The following CEP170 variants were observed in gnomAD, a reference collection of about 807,000 sequenced individuals.
CEP170 encodes the protein centrosomal protein of 170 kDa.
CEP170 carries 21 observed loss-of-function variants against 151.9 expected under a neutral mutation model. The observed-to-expected ratio is 0.14, with a 90% CI of 0.10 to 0.20. The LOEUF (loss-of-function observed/expected upper bound fraction) is 0.20. Ranked by LOEUF, CEP170 falls within the 10% of genes least tolerant of loss-of-function variation. CEP170 has a pLI of 1.00. For synonymous variants in CEP170, 356 were observed against 648.8 expected, an observed-to-expected ratio of 0.55 and a Z score of 6.86; for missense variants, 964 against 1,892.9, an observed-to-expected ratio of 0.51 and a Z score of 9.11.
At chr1:243,162,810 A>G (rs1272052711) in intron 13 of CEP170, among the ~76,000 whole-genome samples, 3 of 152,254 alleles carry the variant, frequency 2.0e-5, no homozygotes, top group Non-Finnish European at 4.4e-5. Flanking sequence ...TCATCAGGAA[A>G]TGCAGCACAG....
chr1:243,148,342 G>A (rs1164760094), intron 14 of CEP170, among the ~76,000 whole-genome samples: 1 of 151,746 alleles, frequency 6.6e-6, no homozygotes, highest in African/African-American at 2.4e-5. Flanking sequence ...AGGCCGAGGT[G>A]GGCGGATCAC....
intron 1 of CEP170, among the ~76,000 whole-genome samples, chr1:243,230,571 C>T (rs576938467): frequency 6.6e-6 from 1 of 152,058 alleles, no homozygotes; most frequent in East Asian, 1.9e-4. Context: ...TGAAACGGAA[C>T]CAAACATATT....
intron 15 of CEP170, among the ~76,000 whole-genome samples, chr1:243,141,320 A>G (rs537141006): frequency 6.6e-6 from 1 of 152,350 alleles, no homozygotes; most frequent in East Asian, 1.9e-4. Context: ...TCAACTACTC[A>G]GTTCTGCCCC....
At chr1:243,175,010 CAT>C (rs747032835) in intron 10 of CEP170, 6 of 152,226 alleles carry the variant, frequency 3.9e-5, no homozygotes, top group South Asian at 2.1e-4. Context: ...AAAATAACCA[CAT>C]GAGTACTTGC....
chr1:243,149,498 C>T (rs2056860422), intron 14 of CEP170, among the ~76,000 whole-genome samples: 1 of 152,056 alleles, frequency 6.6e-6, no homozygotes, highest in Admixed American at 6.6e-5. Context: ...GTTTATTTCC[C>T]TACTCTTGCT....
At chr1:243,189,322 T>C (rs936599648) in intron 8 of CEP170, among the ~76,000 whole-genome samples, 21 of 151,996 alleles carry the variant, frequency 1.4e-4, no homozygotes, top group South Asian at 8.3e-4. Flanking sequence ...TTTGGGAGGC[T>C]AAGGTGGGTG....
rs190729024 is a variant in CEP170, at chr1:243,141,405, C to T, written c.4059+911G>A. 2.2e-3 allele frequency among the ~76,000 whole-genome samples: 333 copies of T among 152,254 alleles called. 2 individuals carry two copies. The highest frequency in any genetic ancestry group is 7.7e-3 in the African/African-American group (320 of 41,554). ...TCTAATAAAACTTTATTTATGAATA[C>T]CAAAATTTGAATTTCATGTAATTTT... is the stretch of plus-strand genomic sequence containing the variant. On this transcript the variant is annotated intron_variant, in intron 15 of 19. Coordinates refer to ENST00000366542, the MANE Select transcript of CEP170 (RefSeq NM_014812.3).
At chr1:243,254,833 G>C (rs937884888) in intron 1 of CEP170, among the ~76,000 whole-genome samples, 3 of 151,672 alleles carry the variant, frequency 2.0e-5, no homozygotes, top group African/African-American at 7.3e-5. Context: ...GTCAAGCCCC[G>C]GGTCCCAGGC....
At chr1:243,235,469 C>T (rs932867917) in intron 1 of CEP170, among the ~76,000 whole-genome samples, 1 of 151,990 alleles carries the variant, frequency 6.6e-6, no homozygotes, top group Non-Finnish European at 1.5e-5. Flanking sequence ...GGATACTTAC[C>T]AAGATACTTG....
Position 243,140,082 on chromosome 1 carries a change from C to T in CEP170, c.4085G>A (p.Ser1362Asn). 2 of 1,613,754 alleles carry T rather than the reference C, an allele frequency of 1.2e-6. No homozygotes were observed. The highest frequency in any genetic ancestry group is 1.7e-6 in the Non-Finnish European group (2 of 1,179,734). The change falls in exon 16 of 20, where the codon AGC becomes AAC. Residue 1362 changes from serine (S) to asparagine (N), a missense_variant. By Grantham distance (46) the Ser-to-Asn change is conservative. Transcript: ENST00000366542. The part of the protein sequence containing the change: ...EELVDRVFDE[S>N]LNFRKIPPLV... ...TGGAGGAATCTTTCGGAAGTTGAGGCTTTCATCAAAAACACGATCAACCAA... is the reference window on the plus strand; with the variant it reads ...TGGAGGAATCTTTCGGAAGTTGAGGTTTTCATCAAAAACACGATCAACCAA...
intron 14 of CEP170, among the ~76,000 whole-genome samples, chr1:243,148,230 C>T (rs900634318): frequency 6.6e-6 from 1 of 151,726 alleles, no homozygotes; most frequent in African/African-American, 2.4e-5. Context: ...GAGACATAGA[C>T]AAATTTGGGA....
chr1:243,140,338 A>T, intron 15 of CEP170: 1 of 497,554 alleles, frequency 2.0e-6, no homozygotes, highest in Non-Finnish European at 3.1e-6. Flanking sequence ...TCCAAAATAT[A>T]TAACTATGTT....
chr1:243,136,109 G>A (rs1477462054), intron 17 of CEP170, 34 bp downstream of exon 17: 1 of 1,535,776 alleles, frequency 6.5e-7, no homozygotes, highest in South Asian at 1.2e-5. Context: ...GCAAAGTGAG[G>A]TGATATTAAA....
intron 3 of CEP170, among the ~76,000 whole-genome samples, 195 bp from the exon 4 acceptor site, chr1:243,212,159 T>C (rs1365964040): frequency 6.6e-6 from 1 of 152,210 alleles, no homozygotes; most frequent in Non-Finnish European, 1.5e-5. Flanking sequence ...TCTCTCTTAC[T>C]GGTAACACAC....
intron 14 of CEP170, among the ~76,000 whole-genome samples, chr1:243,153,170 T>C (rs1039569271): frequency 1.3e-5 from 2 of 152,224 alleles, no homozygotes; most frequent in African/African-American, 4.8e-5. Context: ...AATATGGGAC[T>C]GGATTGCTGC....
rs761321646 is a variant in CEP170 at position 243,185,180 on chromosome 1, G to A, written c.1566+599C>T. ...ACCAATAATATCAAAGAATACACTTGAAATGTAGGTAACTATCACGACTGG... is the reference window on the plus strand; with the variant it reads ...ACCAATAATATCAAAGAATACACTTAAAATGTAGGTAACTATCACGACTGG... On this transcript the variant is annotated intron_variant, in intron 10 of 19. Coordinates refer to ENST00000366542, the MANE Select transcript of CEP170 (RefSeq NM_014812.3). The surrounding 1 kb of genome is among the most constrained non-coding windows in gnomAD (Gnocchi z 4.9). Among the ~76,000 whole-genome samples, 3 of 152,142 alleles carry A rather than the reference G, an allele frequency of 2.0e-5. No individual in the cohort carries two copies. Among genetic ancestry groups the A allele is most frequent in the Non-Finnish European group, 2.9e-5 (2 of 68,024 alleles).
chr1:243,228,317 C>CTTGT (rs1452317772), intron 1 of CEP170, among the ~76,000 whole-genome samples: 9 of 152,144 alleles, frequency 5.9e-5, no homozygotes, highest in Admixed American at 1.3e-4. Flanking sequence ...AACTCGTACT[C>CTTGT]CCTCCTCAGC....
In CEP170 at chr1:243,166,012, T is replaced by A. The variant is rs767741337; in HGVS notation, c.1948A>T (p.Asn650Tyr). 2 of 1,613,324 alleles carry A rather than the reference T, an allele frequency of 1.2e-6. No homozygotes were observed. The highest frequency in any genetic ancestry group is 4.5e-5 in the East Asian group (2 of 44,884). ...RRRRTLPQLP[N>Y]EEKSLESHRA... ...TGGCTCTCAAGAGACTTTTCTTCAT[T>A]TGGAAGCTGGGGAAGAGTTCGTCTC... The change falls in exon 13 of 20, where the codon AAT becomes TAT. Residue 650 changes from asparagine (N) to tyrosine (Y), a missense_variant. By Grantham distance (143) the Asn-to-Tyr change is moderately radical. Coordinates refer to ENST00000366542, the MANE Select transcript of CEP170 (RefSeq NM_014812.3).
In CEP170 at chr1:243,165,999, G is replaced by C. The variant is rs1558479100; in HGVS notation, c.1961C>G (p.Ser654Cys). 2 of 1,613,204 alleles carry C rather than the reference G, an allele frequency of 1.2e-6. No homozygotes were observed. The highest frequency in any genetic ancestry group is 1.7e-5 in the Admixed American group (1 of 59,868). The part of the protein sequence containing the change: ...TLPQLPNEEK[S>C]LESHRAKVVT... ...AACCTTTGCTCTGTGGCTCTCAAGAGACTTTTCTTCATTTGGAAGCTGGGG... is the reference window on the plus strand; with the variant it reads ...AACCTTTGCTCTGTGGCTCTCAAGACACTTTTCTTCATTTGGAAGCTGGGG... Residue 654 changes from serine (S) to cysteine (C), a missense_variant, in exon 13 of 20, where the codon TCT (serine) becomes TGT (cysteine). By Grantham distance (112) the Ser-to-Cys change is moderately radical (BLOSUM62 -1). Coordinates refer to ENST00000366542, the MANE Select transcript of CEP170 (RefSeq NM_014812.3).
Sources: allele counts gnomAD v4.1 joint callset (sites outside exome capture counted in the v4.1 genomes callset), GRCh38; gene constraint gnomAD v4.1.1; non-coding constraint Gnocchi (gnomAD v3.1); transcripts MANE v1.5; gene names NCBI Gene and HGNC (gene_info 2026-07-23, HGNC 2026-07-21).